MLKL: variants seen among roughly 807,000 people sequenced by gnomAD.
The protein encoded by MLKL is mixed lineage kinase domain-like protein.
Under a neutral mutation model 56.5 loss-of-function variants are expected in MLKL, and 55 were observed. That is an observed-to-expected ratio of 0.97 (90% CI 0.78 to 1.22). The LOEUF is 1.22. Ranked by LOEUF, MLKL falls within the 50% of genes most tolerant of loss-of-function variation. The pLI is 0.00. For synonymous variants in MLKL, 251 were observed against 208.3 expected, an observed-to-expected ratio of 1.20 and a Z score of -1.76; for missense variants, 694 against 573.9, an observed-to-expected ratio of 1.21 and a Z score of -2.14.
intron 8 of MLKL, 72 bp from the exon 9 acceptor site, chr16:74,675,476 G>C: frequency 6.3e-7 from 1 of 1,581,902 alleles, no homozygotes; most frequent in East Asian, 2.2e-5. Flanking sequence ...GCCACTGCCA[G>C]AAAACTCAGT....
At chr16:74,698,463 G>A (rs375212026) in intron 1 of MLKL, among the ~76,000 whole-genome samples, 1 of 152,124 alleles carries the variant, frequency 6.6e-6, no homozygotes, top group Non-Finnish European at 1.5e-5. Flanking sequence ...TACAGTGATT[G>A]GGCAAGGGAG....
At chr16:74,681,515 C>A (rs759848736) in intron 6 of MLKL, among the ~76,000 whole-genome samples, 12 of 150,402 alleles carry the variant, frequency 8.0e-5, no homozygotes, top group African/African-American at 2.9e-4. Context: ...AAGACACGGC[C>A]GGGCGCGGTG....
intron 4 of MLKL, among the ~76,000 whole-genome samples, chr16:74,689,261 C>G (rs1960520736): frequency 1.3e-5 from 2 of 151,938 alleles, no homozygotes; most frequent in Non-Finnish European, 2.9e-5. Context: ...ATTATAGGCT[C>G]ATGCCACCAT....
At chr16:74,685,290 G>C (rs760602861) in intron 5 of MLKL, among the ~76,000 whole-genome samples, 196 bp downstream of exon 5, 1 of 151,776 alleles carries the variant, frequency 6.6e-6, no homozygotes, top group Non-Finnish European at 1.5e-5. Context: ...CCACCCCTCA[G>C]CCTTCAGCCC....
chr16:74,689,955 C>G (rs188000009), intron 4 of MLKL, among the ~76,000 whole-genome samples: 35 of 152,054 alleles, frequency 2.3e-4, no homozygotes, highest in Non-Finnish European at 3.7e-4. Flanking sequence ...ATATAGAATG[C>G]CTTTAAGATC....
At chr16:74,683,900 A>T (rs1362247131) in intron 5 of MLKL, among the ~76,000 whole-genome samples, 3 of 152,180 alleles carry the variant, frequency 2.0e-5, no homozygotes, top group Non-Finnish European at 4.4e-5. Flanking sequence ...CAGGCACCTC[A>T]GCGGTCCCCA....
rs28674093 is a variant in MLKL, at chr16:74,674,988, A to G, written c.1353T>C (p.His451=). The change falls in exon 10 of 11, where the codon CAT becomes CAC. Residue 451 remains histidine (H), a synonymous_variant. Transcript: ENST00000308807. The part of the protein sequence containing the change: ...LREIIDECRA[H]DPSVRPSVDE... ...CCACAGAGGGCCGCACAGAGGGATC[A>G]TGGGCCCGGCACTCATCAATGATCT... The G allele has an allele frequency of 2.5e-3, 4,097 of 1,614,186 alleles. 54 individuals are homozygous for G. The highest frequency in any genetic ancestry group is 0.023 in the African/African-American group (1,751 of 75,048).
rs1960976284 is a variant in MLKL at position 74,695,531 on chromosome 16, A to G, written c.227T>C (p.Ile76Thr). 3.1e-6 allele frequency: 5 copies of G among 1,614,084 alleles called. No homozygotes were observed. The highest frequency in any genetic ancestry group is 2.7e-5 in the African/African-American group (2 of 75,002). Residue 76 changes from isoleucine to threonine, a missense_variant, in exon 2 of 11, where the codon ATA becomes ACA. Physicochemically the swap from Ile to Thr is moderately conservative, Grantham distance 89. Coordinates refer to ENST00000308807, the MANE Select transcript of MLKL (RefSeq NM_152649.4). ...ATTGGATCTATTGCTGAACTTTTCT[A>G]TCTCCCCATTAGCCTCCTCCAGGGC... ...KAALEEANGE[I>T]EKFSNRSNIC... is the part of the protein sequence containing the mutation.
chr16:74,683,918 C>T lies in MLKL; in HGVS notation c.821-1132G>A, dbSNP rs73612472. On this transcript the variant is annotated intron_variant, in intron 5 of 10. Coordinates refer to ENST00000308807, the MANE Select transcript of MLKL (RefSeq NM_152649.4). ...GCACCTCAGCGGTCCCCAAGGAGAACAAACGTTGCTGAACATTTGTCTTTA... is the reference window on the plus strand; with the variant it reads ...GCACCTCAGCGGTCCCCAAGGAGAATAAACGTTGCTGAACATTTGTCTTTA... 6.9e-3 allele frequency among the ~76,000 whole-genome samples: 1,057 copies of T among 152,224 alleles called. 9 individuals are homozygous for T. Among genetic ancestry groups the T allele is most frequent in the African/African-American group, 0.024 (1,003 of 41,548 alleles).
At position 74,675,626 on chromosome 16, in the gene MLKL, A is replaced by G. The variant is rs1378620503; in HGVS notation, c.1177T>C (p.Ser393Pro). ...EDVFYQYDVK[S>P]EIYSFGIVLW... ...ACGTGAGTGTACCTGTATATTTCAG[A>G]CTTTACATCATATTGATAAAATACA... The change falls in exon 8 of 11, where the codon TCT (serine) becomes CCT (proline). Residue 393 changes from serine (S) to proline (P), a missense_variant. Transcript: ENST00000308807. The G allele has an allele frequency of 1.9e-6, 3 of 1,613,364 alleles. No homozygotes were observed. The highest frequency in any genetic ancestry group is 2.5e-6 in the Non-Finnish European group (3 of 1,179,954).
intron 3 of MLKL, 67 bp from the exon 4 acceptor site, chr16:74,691,530 G>T: frequency 5.3e-6 from 8 of 1,517,440 alleles, no homozygotes; most frequent in Non-Finnish European, 6.2e-6. Flanking sequence ...TCCTAAGGGA[G>T]GTGGCATATT....
chr16:74,692,843 G>A (rs1212421542), intron 2 of MLKL, among the ~76,000 whole-genome samples: 1 of 152,028 alleles, frequency 6.6e-6, no homozygotes, highest in Admixed American at 6.5e-5. Context: ...AGAACACTGA[G>A]TTGTTGTTTT....
At chr16:74,692,276 G>T in intron 3 of MLKL, 66 bp downstream of exon 3, 2 of 1,400,074 alleles carry the variant, frequency 1.4e-6, no homozygotes, top group Non-Finnish European at 2.0e-6. Context: ...GGAGGCTGGG[G>T]TCCCAGTAAA....
intron 4 of MLKL, among the ~76,000 whole-genome samples, chr16:74,688,075 T>C (rs1172599060): frequency 6.6e-6 from 1 of 152,116 alleles, no homozygotes; most frequent in Non-Finnish European, 1.5e-5. Context: ...CTGCCCGCCC[T>C]GGCCTCCCAA....
At chr16:74,675,323 C>T (rs1379625051) in intron 9 of MLKL, 32 bp downstream of exon 9, 2 of 1,613,930 alleles carry the variant, frequency 1.2e-6, no homozygotes, top group Non-Finnish European at 1.7e-6. Context: ...CCCAACCTCA[C>T]CACTGGCTGA....
chr16:74,687,018 C>T (rs1039236018), intron 4 of MLKL, among the ~76,000 whole-genome samples: 7 of 152,214 alleles, frequency 4.6e-5, no homozygotes, highest in South Asian at 2.1e-4. Flanking sequence ...CTTTTGTCGC[C>T]CAGGCTGAGT....
chr16:74,686,213 A>G (rs778984732), intron 4 of MLKL, among the ~76,000 whole-genome samples: 1 of 151,918 alleles, frequency 6.6e-6, no homozygotes, highest in African/African-American at 2.4e-5. Flanking sequence ...TTGCCTGCCT[A>G]CGCCTCCCAA....
intron 1 of MLKL, among the ~76,000 whole-genome samples, chr16:74,698,921 C>T (rs374766647): frequency 3.3e-4 from 50 of 151,932 alleles, no homozygotes; most frequent in African/African-American, 1.1e-3. Context: ...TGAGATCGCC[C>T]GGCCAACATG....
At chr16:74,690,417 G>A (rs935729632) in intron 4 of MLKL, among the ~76,000 whole-genome samples, 1 of 152,054 alleles carries the variant, frequency 6.6e-6, no homozygotes, top group Non-Finnish European at 1.5e-5. Flanking sequence ...TTCTTATACA[G>A]GTCCCTAAAG....
Sources: allele counts gnomAD v4.1 joint callset (sites outside exome capture counted in the v4.1 genomes callset), GRCh38; gene constraint gnomAD v4.1.1; transcripts MANE v1.5; gene names NCBI Gene and HGNC (gene_info 2026-07-23, HGNC 2026-07-21).